PKP4: variants seen among roughly 807,000 people sequenced by gnomAD.
PKP4 encodes plakophilin-4.
Under a neutral mutation model 145.1 loss-of-function variants are expected in PKP4, and 90 were observed. The observed-to-expected ratio is 0.62, with a 90% CI of 0.52 to 0.74. The LOEUF is 0.74. PKP4 is among the 30% of genes least tolerant of loss of function. PKP4 has a pLI of 0.00. For missense variants in PKP4, 1,340 were observed against 1,482.7 expected, an observed-to-expected ratio of 0.90 and a Z score of 1.58; for synonymous variants, 563 against 577.2, an observed-to-expected ratio of 0.98 and a Z score of 0.35.
intron 1 of PKP4, among the ~76,000 whole-genome samples, chr2:158,484,162 C>T (rs1196998601): frequency 1.3e-5 from 2 of 151,872 alleles, no homozygotes; most frequent in African/African-American, 4.8e-5. Flanking sequence ...ATTCTCCTGC[C>T]TCAGCCTCCC....
chr2:158,625,461 A>C (rs1208241188), intron 7 of PKP4, 34 bp downstream of exon 7: 1 of 1,512,348 alleles, frequency 6.6e-7, no homozygotes, highest in Non-Finnish European at 9.0e-7. Flanking sequence ...CATAAAACCC[A>C]GTGAGGAAAT....
At chr2:158,481,794 T>C (rs553953806) in intron 1 of PKP4, among the ~76,000 whole-genome samples, 2 of 152,342 alleles carry the variant, frequency 1.3e-5, no homozygotes, top group African/African-American at 4.8e-5. Flanking sequence ...TTTGTAGAAT[T>C]GACTGATAAT....
At chr2:158,517,354 C>T (rs1031185140) in intron 1 of PKP4, among the ~76,000 whole-genome samples, 1 of 151,976 alleles carries the variant, frequency 6.6e-6, no homozygotes, top group Non-Finnish European at 1.5e-5. Flanking sequence ...TTCTTCTGCC[C>T]CACCTAGAAT....
intron 4 of PKP4, among the ~76,000 whole-genome samples, chr2:158,616,070 A>G (rs1393137853): frequency 6.6e-6 from 1 of 152,172 alleles, no homozygotes; most frequent in African/African-American, 2.4e-5. Context: ...TTATATTTGA[A>G]TCAACAAACT....
chr2:158,677,119 T>C, intron 20 of PKP4: 1 of 466,272 alleles, frequency 2.1e-6, no homozygotes, highest in Non-Finnish European at 4.0e-6. Flanking sequence ...AAGAGGGCTG[T>C]ATCCAAATAA....
At chr2:158,525,934 G>A (rs1336002407) in intron 1 of PKP4, among the ~76,000 whole-genome samples, 2 of 151,162 alleles carry the variant, frequency 1.3e-5, no homozygotes, top group Non-Finnish European at 2.9e-5. Context: ...ACTAAACCAG[G>A]AAGAAGTTGA....
chr2:158,644,794 T>G (rs1363852524), intron 11 of PKP4, among the ~76,000 whole-genome samples: 2 of 152,232 alleles, frequency 1.3e-5, no homozygotes, highest in African/African-American at 2.4e-5. Context: ...GTATTCCACC[T>G]CTGTTTCTTT....
At chr2:158,520,396 TTAGTC>T (rs919897989) in intron 1 of PKP4, among the ~76,000 whole-genome samples, 82 of 152,360 alleles carry the variant, frequency 5.4e-4, no homozygotes, top group African/African-American at 1.9e-3. Context: ...AAAATTATAT[TTAGTC>T]TAGTTTTAAA....
At chr2:158,557,407 G>A (rs1408590335) in intron 2 of PKP4, among the ~76,000 whole-genome samples, 2 of 152,128 alleles carry the variant, frequency 1.3e-5, no homozygotes. Context: ...TAGTGAACCA[G>A]AAAACATCAA....
At chr2:158,585,459 A>T (rs1267227438) in intron 3 of PKP4, among the ~76,000 whole-genome samples, 4 of 152,288 alleles carry the variant, frequency 2.6e-5, no homozygotes, top group African/African-American at 7.2e-5. Flanking sequence ...GATGCCCATC[A>T]GGTTTCGATT....
chr2:158,492,277 C>A (rs1026932386), intron 1 of PKP4, among the ~76,000 whole-genome samples: 2 of 152,194 alleles, frequency 1.3e-5, no homozygotes, highest in Non-Finnish European at 2.9e-5. Flanking sequence ...CTATCTCACA[C>A]CTTCCCCCTG....
At position 158,621,125 on chromosome 2, in the gene PKP4, TG is replaced by T; in HGVS notation, c.412+5del. The stretch of plus-strand genomic sequence containing the variant: ...ACATCTCTCCATGAAAGTGAGGGTC[TG>T]TTGTGTTATCTTTTAAGTACTGGAT... On this transcript the variant is annotated splice_donor_5th_base_variant and intron_variant, in intron 5 of 21. Transcript: ENST00000389759. The T allele has an allele frequency of 6.2e-7, 1 of 1,614,200 alleles. No homozygotes were observed. The highest frequency in any genetic ancestry group is 8.5e-7 in the Non-Finnish European group (1 of 1,180,016).
chr2:158,498,916 G>A (rs1696150951), intron 1 of PKP4, among the ~76,000 whole-genome samples: 1 of 151,822 alleles, frequency 6.6e-6, no homozygotes, highest in Non-Finnish European at 1.5e-5. Context: ...AGCTGATGGT[G>A]GTGACAGCAC....
chr2:158,546,947 T>C (rs896102749), intron 2 of PKP4, among the ~76,000 whole-genome samples: 1 of 152,126 alleles, frequency 6.6e-6, no homozygotes, highest in Non-Finnish European at 1.5e-5. Flanking sequence ...AAGGATATTA[T>C]TGTATATATA....
chr2:158,649,790 C>T (rs2055181986), intron 11 of PKP4, among the ~76,000 whole-genome samples: 1 of 152,188 alleles, frequency 6.6e-6, no homozygotes, highest in African/African-American at 2.4e-5. Flanking sequence ...CCTCAGTTGA[C>T]TAGACGTCCT....
At chr2:158,542,429 T>C (rs2044601724) in intron 2 of PKP4, among the ~76,000 whole-genome samples, 1 of 152,188 alleles carries the variant, frequency 6.6e-6, no homozygotes, top group African/African-American at 2.4e-5. Context: ...TTATGAAAAA[T>C]ATTTGTGTAT....
intron 1 of PKP4, among the ~76,000 whole-genome samples, chr2:158,474,086 G>C (rs1692046056): frequency 6.6e-6 from 1 of 152,086 alleles, no homozygotes; most frequent in South Asian, 2.1e-4. Flanking sequence ...ACTCAAAGAT[G>C]ACCAGAACAA....
chr2:158,552,554 T>C (rs1227730620), intron 2 of PKP4, among the ~76,000 whole-genome samples: 1 of 145,196 alleles, frequency 6.9e-6, no homozygotes, highest in Non-Finnish European at 1.5e-5. Flanking sequence ...AATGTGGGTA[T>C]TAAAGGTGGT....
chr2:158,560,318 A>G (rs986443084), intron 2 of PKP4, among the ~76,000 whole-genome samples: 3 of 151,800 alleles, frequency 2.0e-5, no homozygotes, highest in Non-Finnish European at 4.4e-5. Context: ...AGGAACCACT[A>G]TTTTTCTCAC....
Sources: allele counts gnomAD v4.1 joint callset (sites outside exome capture counted in the v4.1 genomes callset), GRCh38; gene constraint gnomAD v4.1.1; transcripts MANE v1.5; gene names NCBI Gene and HGNC (gene_info 2026-07-23, HGNC 2026-07-21).